The following TXLNB variants were observed in gnomAD, a reference collection of about 807,000 sequenced individuals.
TXLNB encodes beta-taxilin.
TXLNB carries 37 observed loss-of-function variants against 57.4 expected under a neutral mutation model. That is an observed-to-expected ratio of 0.64 (90% CI 0.50 to 0.85). The LOEUF (loss-of-function observed/expected upper bound fraction) is 0.85, where lower values mean the gene tolerates loss of function less well. Among genes scored for constraint, TXLNB ranks in the 40% least tolerant of loss-of-function variants. The probability of loss-of-function intolerance (pLI) is 0.00; values close to 1 mark genes in which losing one functional copy is unlikely to be tolerated. For missense variants in TXLNB, 848 were observed against 825.6 expected, an observed-to-expected ratio of 1.03 and a Z score of -0.33; for synonymous variants, 302 against 309.6, an observed-to-expected ratio of 0.98 and a Z score of 0.26.
the TXLNB span, among the ~76,000 whole-genome samples, chr6:139,230,099 C>G: frequency 6.6e-6 from 1 of 152,166 alleles, no homozygotes; most frequent in Non-Finnish European, 1.5e-5. Context: ...ATAAAAAGCT[C>G]TCCTTCTCCT....
chr6:139,243,994 T>TC lies in TXLNB; in HGVS notation c.1266+600dup. On this transcript the variant is annotated intron_variant, in intron 9 of 9. Coordinates refer to ENST00000358430, the MANE Select transcript of TXLNB (RefSeq NM_153235.4). ...TACTCTGTCCCTTTGAGACCTTTTT[T>TC]CCCCCACTCGTTATACATGGAGAGA... Among the ~76,000 whole-genome samples, 3 of 152,072 alleles carry TC rather than the reference T, an allele frequency of 2.0e-5. No individual in the cohort carries two copies. In the East Asian group the frequency reaches 5.8e-4, roughly 29 times the overall value.
chr6:139,222,522 A>G, the TXLNB span, among the ~76,000 whole-genome samples: 1 of 152,236 alleles, frequency 6.6e-6, no homozygotes, highest in African/African-American at 2.4e-5. Flanking sequence ...AAAATCTACA[A>G]TGGGCTGGGT....
rs1373209328 is a variant in TXLNB at position 139,242,629 on chromosome 6, C to T, written c.1952G>A (p.Ser651Asn). The T allele has an allele frequency of 6.2e-7, 1 of 1,603,560 alleles. No individual in the cohort carries two copies. ...TGCTGCTGCTCGTGGGGGCTGCCTA[C>T]TGGGCTCGCATGCAGGCACCATGGC... ...VAAMVPACEP[S>N]RQPPRAAAEE... The change falls in exon 10 of 10, where the codon AGT (serine) becomes AAT (asparagine). Residue 651 changes from serine (S) to asparagine (N), a missense_variant. By Grantham distance (46) the Ser-to-Asn change is conservative. Transcript: ENST00000358430.
chr6:139,243,098 T>C lies in TXLNB; in HGVS notation c.1483A>G (p.Ser495Gly). Residue 495 changes from serine (S) to glycine (G), a missense_variant, in exon 10 of 10, where the codon AGT becomes GGT. By Grantham distance (56) the Ser-to-Gly change is moderately conservative. Coordinates refer to ENST00000358430, the MANE Select transcript of TXLNB (RefSeq NM_153235.4). ...DQEIDAEEVNSVQTAVKNLAT... is the reference protein window; with the variant it reads ...DQEIDAEEVNGVQTAVKNLAT... ...AGATTTTTCACGGCGGTTTGGACAC[T>C]ATTAACCTCCTCTGCGTCAATCTCT... The C allele has an allele frequency of 6.2e-7, 1 of 1,614,216 alleles. No homozygotes were observed. Among genetic ancestry groups the C allele is most frequent in the Non-Finnish European group, 8.5e-7 (1 of 1,180,044 alleles).
At chr6:139,198,827 A>G in the TXLNB span, among the ~76,000 whole-genome samples, 2 of 152,184 alleles carry the variant, frequency 1.3e-5, no homozygotes, top group East Asian at 3.9e-4. Flanking sequence ...TAGGGGTGGT[A>G]ATGGCCTCCC....
At chr6:139,207,385 T>C in the TXLNB span, among the ~76,000 whole-genome samples, 1 of 152,220 alleles carries the variant, frequency 6.6e-6, no homozygotes, top group Admixed American at 6.5e-5. Context: ...GAATGATCTT[T>C]GGATTAATAA....
chr6:139,279,700 C>G (rs1433362655), intron 2 of TXLNB, among the ~76,000 whole-genome samples: 1 of 152,066 alleles, frequency 6.6e-6, no homozygotes, highest in Non-Finnish European at 1.5e-5. Flanking sequence ...GTGACAGTGT[C>G]AAACAAAAGA....
the TXLNB span, among the ~76,000 whole-genome samples, chr6:139,190,607 C>A: frequency 2.6e-5 from 4 of 151,948 alleles, no homozygotes; most frequent in East Asian, 7.7e-4. Flanking sequence ...CCACGCCTGG[C>A]CAAGGGCCTG....
intron 7 of TXLNB, among the ~76,000 whole-genome samples, chr6:139,252,671 G>T (rs550105306): frequency 1.6e-4 from 25 of 152,272 alleles, no homozygotes; most frequent in African/African-American, 5.5e-4. Context: ...ATCTTTTCCA[G>T]CGGTTCTTCA....
the TXLNB span, among the ~76,000 whole-genome samples, chr6:139,208,073 C>A: frequency 2.4e-4 from 36 of 150,902 alleles, no homozygotes; most frequent in African/African-American, 8.8e-4. Context: ...GAGACTCAGT[C>A]TCAAACAAAA....
At chr6:139,306,627 C>T in the TXLNB span, among the ~76,000 whole-genome samples, 20 of 152,296 alleles carry the variant, frequency 1.3e-4, no homozygotes, top group South Asian at 1.9e-3. Context: ...TAAATATTCC[C>T]GCTTTCTTCA....
chr6:139,167,421 T>G, the TXLNB span: 1 of 1,040,134 alleles, frequency 9.6e-7, no homozygotes, highest in East Asian at 2.5e-5. Flanking sequence ...TTCACCAGTG[T>G]TGTTTTTTTG....
intron 3 of TXLNB, among the ~76,000 whole-genome samples, chr6:139,272,324 A>T (rs1407632526): frequency 6.6e-6 from 1 of 152,054 alleles, no homozygotes; most frequent in East Asian, 1.9e-4. Flanking sequence ...AATAAATAAA[A>T]AATAAATAGA....
rs1476184222 is a variant in TXLNB, at chr6:139,242,354, GACA to G, written c.*169_*171del. 1 of 491,256 alleles carries G rather than the reference GACA, an allele frequency of 2.0e-6. No homozygotes were observed. Among genetic ancestry groups the G allele is most frequent in the Non-Finnish European group, 3.2e-6 (1 of 309,022 alleles). The allele number at this position is 491,256 out of a possible 1,614,324, so 30.4% of individuals were successfully genotyped here. A position where few individuals can be genotyped will look rare whatever the true frequency, so the allele number is the denominator to read the frequency against. ...AAAACCTTCAAATCAGCTATAAATT[GACA>G]ACAAATAGCAAAGTCTGAATGAATG... is the stretch of plus-strand genomic sequence containing the variant. On this transcript the variant is annotated 3_prime_UTR_variant, in exon 10 of 10. Transcript: ENST00000358430.
At chr6:139,237,085 C>T (rs976330587), downstream of TXLNB, among the ~76,000 whole-genome samples, 2 of 152,044 alleles carry the variant, frequency 1.3e-5, no homozygotes, top group Admixed American at 1.3e-4. Context: ...AGTTTATGTC[C>T]CTCTTCCTTT....
At position 139,240,408 on chromosome 6, in the gene TXLNB, G is replaced by A. The variant is rs1775905757; in HGVS notation, c.*2118C>T. 1 of 152,602 alleles carries A rather than the reference G, an allele frequency of 6.6e-6. No individual in the cohort carries two copies. Among genetic ancestry groups the A allele is most frequent in the African/African-American group, 2.4e-5 (1 of 41,448 alleles). 9.5% of individuals were successfully genotyped at this position (152,602 alleles called of 1,614,324 possible). ...AATGTGTTTCTGTGAAAGTCTTTTG[G>A]ATGAAAATAATGAACTTTGGGTTTT... is the stretch of plus-strand genomic sequence containing the variant. On this transcript the variant is annotated 3_prime_UTR_variant, in exon 10 of 10. Transcript: ENST00000358430.
chr6:139,196,364 G>GTTTTTTTTTTTTTTTTTTTTT, the TXLNB span, among the ~76,000 whole-genome samples: 39 of 86,770 alleles, frequency 4.5e-4, 17 homozygotes, highest in Non-Finnish European at 5.8e-4. Context: ...CTCCAGATCT[G>GTTTTTTTTTTTTTTTTTTTTT]GTTTTTTTTT....
downstream of TXLNB, among the ~76,000 whole-genome samples, chr6:139,238,312 T>C (rs1775859086): frequency 6.6e-6 from 1 of 152,130 alleles, no homozygotes. Context: ...GAGACTGGCT[T>C]AAACCTGGGA....
the TXLNB span, among the ~76,000 whole-genome samples, chr6:139,194,946 T>C: frequency 6.6e-6 from 1 of 152,252 alleles, no homozygotes; most frequent in Non-Finnish European, 1.5e-5. Context: ...TGTAACAAAT[T>C]ACCACAAACA....
Sources: gnomAD v4.1 joint callset for allele counts (sites outside exome capture counted in the v4.1 genomes callset) on GRCh38, gnomAD v4.1.1 for gene constraint, MANE v1.5 for transcripts, NCBI Gene and HGNC (gene_info 2026-07-23, HGNC 2026-07-21) for gene names.